PCED1B: variants seen among roughly 807,000 people sequenced by gnomAD.
The protein encoded by PCED1B is PC-esterase domain-containing protein 1B.
For synonymous variants in PCED1B, 251 were observed against 246.1 expected, an observed-to-expected ratio of 1.02 and a Z score of -0.19; for missense variants, 573 against 573.9, an observed-to-expected ratio of 1.00 and a Z score of 0.02.
chr12:47,161,058 A>G (rs963363088), intron 2 of PCED1B, among the ~76,000 whole-genome samples: 1 of 152,230 alleles, frequency 6.6e-6, no homozygotes, highest in African/African-American at 2.4e-5. Context: ...CACATGCAAC[A>G]AAAGCCTTCA....
At chr12:47,231,360 G>T (rs1943801396) in intron 3 of PCED1B, among the ~76,000 whole-genome samples, 1 of 151,754 alleles carries the variant, frequency 6.6e-6, no homozygotes, top group Admixed American at 6.6e-5. Context: ...GTATAAGCTG[G>T]GGGTAGTAAA....
intron 3 of PCED1B, among the ~76,000 whole-genome samples, chr12:47,226,445 C>T (rs1464490263): frequency 2.0e-5 from 3 of 152,030 alleles, no homozygotes; most frequent in Admixed American, 6.6e-5. Context: ...GGGATCTCGG[C>T]TCACTGCAAC....
Position 47,236,078 on chromosome 12 carries a change from G to A in PCED1B, c.1015G>A (p.Asp339Asn). 6.2e-7 allele frequency: 1 copy of A among 1,614,074 alleles called. No homozygotes were observed. Residue 339 changes from aspartate (D) to asparagine (N), a missense_variant, in exon 4 of 4, where the codon GAT (aspartate) becomes AAT (asparagine). By Grantham distance (23) the Asp-to-Asn change is conservative. Transcript: ENST00000546455. Reference protein sequence around the residue: ...GMPRFPQGPPDACFSSDHTFQ... With the variant: ...GMPRFPQGPPNACFSSDHTFQ... ...GCCCCGGTTCCCACAGGGTCCCCCA[G>A]ATGCCTGTTTTTCCTCAGACCATAC...
At chr12:47,181,742 T>A (rs1942102408) in intron 2 of PCED1B, among the ~76,000 whole-genome samples, 1 of 151,970 alleles carries the variant, frequency 6.6e-6, no homozygotes, top group African/African-American at 2.4e-5. Context: ...ACATTTTTCT[T>A]CTCAGTCTAA....
chr12:47,087,411 G>A (rs1341900009), intron 1 of PCED1B, among the ~76,000 whole-genome samples: 1 of 152,094 alleles, frequency 6.6e-6, no homozygotes, highest in Non-Finnish European at 1.5e-5. Flanking sequence ...CCTTGCTCTG[G>A]ATTGATGCTT....
intron 2 of PCED1B, among the ~76,000 whole-genome samples, chr12:47,147,209 G>T (rs762952917): frequency 6.6e-6 from 1 of 151,918 alleles, no homozygotes; most frequent in Middle Eastern, 3.4e-3. Flanking sequence ...TAGAGACAGG[G>T]TTTCACCATA....
intron 2 of PCED1B, among the ~76,000 whole-genome samples, chr12:47,201,851 C>T (rs897712906): frequency 5.3e-5 from 8 of 152,088 alleles, no homozygotes; most frequent in East Asian, 1.9e-4. Context: ...CTGCCCACCT[C>T]GGCCTCTCGA....
Position 47,217,466 on chromosome 12 carries a change from GAAAGAGAAAGAAAGAAAGAAAGAA to G in PCED1B, c.-58+779_-58+802del, listed in dbSNP as rs1263395479. Among the ~76,000 whole-genome samples, 7 of 70,566 alleles carry G rather than the reference GAAAGAGAAAGAAAGAAAGAAAGAA, an allele frequency of 9.9e-5. 1 individual carries two copies. Among genetic ancestry groups the G allele is most frequent in the Non-Finnish European group, 1.0e-4 (4 of 38,922 alleles). The allele number at this position is 70,566 out of a possible 152,430, so 46.3% of individuals were successfully genotyped here. ...AAAGAAAGAAAGAAAGAAAAAGAAA[GAAAGAGAAAGAAAGAAAGAAAGAA>G]AGAAAGAAAGAAAGAAAGAAAGAAA... On this transcript the variant is annotated intron_variant, in intron 3 of 3. Transcript: ENST00000546455.
chr12:47,101,949 A>C (rs938828072), intron 1 of PCED1B, among the ~76,000 whole-genome samples: 1 of 151,968 alleles, frequency 6.6e-6, no homozygotes, highest in African/African-American at 2.4e-5. Flanking sequence ...TCCATCTCAA[A>C]AAAAAAAAGG....
chr12:47,138,941 C>G (rs1338160895), intron 2 of PCED1B, among the ~76,000 whole-genome samples: 1 of 152,144 alleles, frequency 6.6e-6, no homozygotes, highest in Non-Finnish European at 1.5e-5. Flanking sequence ...TTGGCTCTTT[C>G]TTGCTTCTAC....
intron 2 of PCED1B, among the ~76,000 whole-genome samples, chr12:47,134,014 T>C (rs1034836339): frequency 1.3e-5 from 2 of 152,180 alleles, no homozygotes; most frequent in African/African-American, 4.8e-5. Flanking sequence ...ATTTTGGGCT[T>C]CCGGAACTGT....
chr12:47,213,142 A>G (rs1019236751), intron 2 of PCED1B, among the ~76,000 whole-genome samples: 1 of 152,214 alleles, frequency 6.6e-6, no homozygotes, highest in Non-Finnish European at 1.5e-5. Flanking sequence ...TCATCAACAC[A>G]AAGTTTGCAC....
chr12:47,178,230 G>A (rs1245582515), intron 2 of PCED1B, among the ~76,000 whole-genome samples: 1 of 152,226 alleles, frequency 6.6e-6, no homozygotes, highest in Non-Finnish European at 1.5e-5. Flanking sequence ...ACCTCAGACA[G>A]TGGTGGTTGG....
At chr12:47,153,223 G>A (rs557570867) in intron 2 of PCED1B, among the ~76,000 whole-genome samples, 83 of 150,192 alleles carry the variant, frequency 5.5e-4, no homozygotes, top group African/African-American at 1.4e-3. Context: ...GGTGGCGGGC[G>A]CCTGTAGTCC....
chr12:47,181,047 C>T (rs894522318), intron 2 of PCED1B, among the ~76,000 whole-genome samples: 3 of 151,186 alleles, frequency 2.0e-5, no homozygotes, highest in African/African-American at 7.3e-5. Flanking sequence ...TGCAGTGGCA[C>T]AATCATGGCT....
intron 2 of PCED1B, among the ~76,000 whole-genome samples, chr12:47,152,816 T>C (rs149187341): frequency 0.019 from 2,937 of 152,082 alleles, 38 homozygotes; most frequent in Non-Finnish European, 0.033. Flanking sequence ...ACACCTATAG[T>C]CCCAGCTACT....
intron 2 of PCED1B, among the ~76,000 whole-genome samples, chr12:47,177,926 G>A (rs377419616): frequency 6.6e-4 from 101 of 152,194 alleles, no homozygotes; most frequent in African/African-American, 2.3e-3. Flanking sequence ...CAGCCTGGGT[G>A]ATAGAGCAAG....
Position 47,153,236 on chromosome 12 carries a change from G to A in PCED1B, c.-526+49041G>A, listed in dbSNP as rs185415803. Among the ~76,000 whole-genome samples the A allele has an allele frequency of 5.2e-3, 784 of 151,548 alleles. 6 individuals carry two copies. Among genetic ancestry groups the A allele is most frequent in the African/African-American group, 0.017 (717 of 41,310 alleles). On this transcript the variant is annotated intron_variant, in intron 2 of 3. Coordinates refer to ENST00000546455, the MANE Select transcript of PCED1B (RefSeq NM_138371.3). Reference sequence around the variant, plus strand: ...GTGGTGGCGGGCGCCTGTAGTCCCAGCTACTTGGGAGGCTGAGGCAGGAGA... The same window carrying A: ...GTGGTGGCGGGCGCCTGTAGTCCCAACTACTTGGGAGGCTGAGGCAGGAGA...
chr12:47,101,404 A>G (rs942750787), intron 1 of PCED1B, among the ~76,000 whole-genome samples: 3 of 152,184 alleles, frequency 2.0e-5, no homozygotes, highest in African/African-American at 7.2e-5. Flanking sequence ...TTTCAGTAAA[A>G]TGAATTTCCT....
Sources: allele counts gnomAD v4.1 joint callset (sites outside exome capture counted in the v4.1 genomes callset), GRCh38; gene constraint gnomAD v4.1.1; transcripts MANE v1.5; gene names NCBI Gene and HGNC (gene_info 2026-07-23, HGNC 2026-07-21).